Variants in GPC5 observed in about 807,000 individuals in gnomAD.
GPC5 encodes the protein glypican-5.
In GPC5, 47 loss-of-function variants were observed where a neutral mutation model predicts 53.9. That is an observed-to-expected ratio of 0.87 (90% CI 0.69 to 1.11). The LOEUF (loss-of-function observed/expected upper bound fraction) is 1.11. Ranked by LOEUF, GPC5 falls within the 50% of genes most tolerant of loss-of-function variation. The probability of loss-of-function intolerance (pLI) is 0.00; values close to 1 mark genes in which losing one functional copy is unlikely to be tolerated. For synonymous variants in GPC5, 286 were observed against 263.3 expected (o/e 1.09, Z -0.84); for missense variants, 748 against 713.1 (o/e 1.05, Z -0.56).
chr13:91,934,200 A>AAGTTAATGGG (rs1382459677), intron 6 of GPC5, among the ~76,000 whole-genome samples: 1 of 152,004 alleles, frequency 6.6e-6, no homozygotes, highest in East Asian at 1.9e-4. Context: ...CCAAAATGGG[A>AAGTTAATGGG]AAAATCAGAA....
At chr13:92,828,854 G>T (rs1394008282) in intron 7 of GPC5, among the ~76,000 whole-genome samples, 1 of 152,130 alleles carries the variant, frequency 6.6e-6, no homozygotes, top group South Asian at 2.1e-4. Context: ...GAGGTTAGAA[G>T]GGAGTTGGGG....
chr13:92,395,619 T>C (rs535632161), intron 7 of GPC5, among the ~76,000 whole-genome samples: 1 of 152,358 alleles, frequency 6.6e-6, no homozygotes, highest in East Asian at 1.9e-4. Context: ...AAATAACTTC[T>C]TTTGGCATTT....
At chr13:91,657,505 G>T (rs2034875305) in intron 2 of GPC5, among the ~76,000 whole-genome samples, 2 of 152,048 alleles carry the variant, frequency 1.3e-5, no homozygotes, top group African/African-American at 4.8e-5. Flanking sequence ...AATGGGTAGA[G>T]GCCAAGGGTG....
At chr13:91,534,314 G>A (rs1886481767) in intron 2 of GPC5, among the ~76,000 whole-genome samples, 1 of 152,004 alleles carries the variant, frequency 6.6e-6, no homozygotes, top group East Asian at 1.9e-4. Context: ...AAATACAATT[G>A]CACTCTTTTT....
intron 6 of GPC5, among the ~76,000 whole-genome samples, chr13:92,105,751 T>G (rs2041504644): frequency 1.3e-5 from 2 of 152,014 alleles, no homozygotes; most frequent in Non-Finnish European, 2.9e-5. Context: ...TCAACATATA[T>G]TTACAAATAC....
chr13:92,093,737 G>A (rs1484687857), intron 6 of GPC5, among the ~76,000 whole-genome samples: 1 of 152,150 alleles, frequency 6.6e-6, no homozygotes, highest in Non-Finnish European at 1.5e-5. Flanking sequence ...GCCAACAATT[G>A]AGAAAGTCAT....
intron 2 of GPC5, among the ~76,000 whole-genome samples, chr13:91,449,589 G>A (rs1027313186): frequency 2.6e-5 from 4 of 151,970 alleles, no homozygotes; most frequent in African/African-American, 7.2e-5. Flanking sequence ...ATCTCATATG[G>A]TTTTCATAAG....
intron 5 of GPC5, among the ~76,000 whole-genome samples, chr13:91,818,911 A>G (rs2038443477): frequency 6.6e-6 from 1 of 152,112 alleles, no homozygotes. Context: ...GACTTTTTTA[A>G]TTTACATTTT....
intron 7 of GPC5, among the ~76,000 whole-genome samples, chr13:92,757,026 C>T (rs1457121682): frequency 1.3e-5 from 2 of 151,894 alleles, no homozygotes; most frequent in East Asian, 1.9e-4. Flanking sequence ...ATTGCCAAGT[C>T]AATCCTAAGC....
At chr13:91,571,406 C>T (rs2031773585) in intron 2 of GPC5, among the ~76,000 whole-genome samples, 1 of 152,004 alleles carries the variant, frequency 6.6e-6, no homozygotes, top group Non-Finnish European at 1.5e-5. Flanking sequence ...TTTTTGTTTT[C>T]ATCCTATTTT....
intron 2 of GPC5, among the ~76,000 whole-genome samples, chr13:91,461,209 C>G (rs1366448613): frequency 1.3e-5 from 2 of 152,078 alleles, no homozygotes; most frequent in African/African-American, 2.4e-5. Flanking sequence ...TTCTTGTACT[C>G]TTTATTTGAC....
intron 1 of GPC5, among the ~76,000 whole-genome samples, chr13:91,420,520 T>C (rs1361566477): frequency 6.6e-6 from 1 of 152,228 alleles, no homozygotes; most frequent in Non-Finnish European, 1.5e-5. Context: ...TAACTACCAT[T>C]ACTTTTTCCT....
At chr13:91,667,581 G>A (rs1042400353) in intron 2 of GPC5, among the ~76,000 whole-genome samples, 14 of 152,096 alleles carry the variant, frequency 9.2e-5, no homozygotes, top group African/African-American at 3.4e-4. Flanking sequence ...GTGATGCACT[G>A]GGGATCAATC....
chr13:92,027,059 T>C (rs1020141067), intron 6 of GPC5, among the ~76,000 whole-genome samples: 6 of 152,326 alleles, frequency 3.9e-5, no homozygotes, highest in African/African-American at 1.4e-4. Context: ...GATTTTACAG[T>C]CACCAATGAA....
intron 7 of GPC5, among the ~76,000 whole-genome samples, chr13:92,794,017 C>T (rs759817346): frequency 1.2e-4 from 18 of 152,050 alleles, no homozygotes; most frequent in Admixed American, 1.1e-3. Flanking sequence ...AGAAAGAATC[C>T]TCCCTAACTC....
At chr13:92,710,906 T>C (rs1040709819) in intron 7 of GPC5, among the ~76,000 whole-genome samples, 2 of 152,226 alleles carry the variant, frequency 1.3e-5, no homozygotes, top group Non-Finnish European at 2.9e-5. Flanking sequence ...TAAGACTGAA[T>C]AATGACCCAA....
chr13:91,826,884 C>G (rs938248983), intron 5 of GPC5, among the ~76,000 whole-genome samples: 3 of 151,562 alleles, frequency 2.0e-5, no homozygotes, highest in African/African-American at 7.3e-5. Flanking sequence ...TAGACTTAAA[C>G]ATAAATACAA....
chr13:91,739,619 G>T (rs1392078333), intron 4 of GPC5, among the ~76,000 whole-genome samples: 1 of 151,144 alleles, frequency 6.6e-6, no homozygotes, highest in Non-Finnish European at 1.5e-5. Flanking sequence ...GTTGGTGGGA[G>T]GCCTCCGTTT....
At chr13:92,824,581 G>C (rs748053919) in intron 7 of GPC5, among the ~76,000 whole-genome samples, 8 of 152,032 alleles carry the variant, frequency 5.3e-5, no homozygotes, top group Non-Finnish European at 1.0e-4. Context: ...AGTAGCAGGA[G>C]AGTAGGAAAT....
Sources: allele counts gnomAD v4.1 joint callset (sites outside exome capture counted in the v4.1 genomes callset), GRCh38; gene constraint gnomAD v4.1.1; transcripts MANE v1.5; gene names NCBI Gene and HGNC (gene_info 2026-07-23, HGNC 2026-07-21).